Variants in DCLK1 observed in about 807,000 individuals in gnomAD.
DCLK1 encodes the protein doublecortin like kinase 1, also known as serine/threonine-protein kinase DCLK1.
In DCLK1, 16 loss-of-function variants were observed where a neutral mutation model predicts 86.2. That is an observed-to-expected ratio of 0.19 (90% confidence interval 0.13 to 0.28). The LOEUF (loss-of-function observed/expected upper bound fraction) is 0.28, where lower values mean the gene tolerates loss of function less well. Ranked by LOEUF, DCLK1 falls within the 10% of genes least tolerant of loss-of-function variation. DCLK1 has a pLI of 1.00. For missense variants in DCLK1, 590 were observed against 940.2 expected (o/e 0.63, Z 4.87); for synonymous variants, 369 against 370.5 (o/e 1.00, Z 0.05).
intron 3 of DCLK1, among the ~76,000 whole-genome samples, chr13:36,009,832 C>G (rs1339569027): frequency 1.1e-4 from 10 of 88,858 alleles, no homozygotes; most frequent in Non-Finnish European, 1.3e-4. Flanking sequence ...GCCATTTTCA[C>G]GATATTGATT....
chr13:35,779,499 C>T (rs2086484668), intron 16 of DCLK1, among the ~76,000 whole-genome samples: 1 of 152,080 alleles, frequency 6.6e-6, no homozygotes. Flanking sequence ...GACTGTGGCA[C>T]ACATATTAAG....
At chr13:35,817,406 C>T (rs2087293815) in intron 11 of DCLK1, among the ~76,000 whole-genome samples, 1 of 152,126 alleles carries the variant, frequency 6.6e-6, no homozygotes, top group Admixed American at 6.5e-5. Context: ...AAAAAAGGAT[C>T]GTTCAGTTTC....
At chr13:35,944,244 G>A (rs932488439) in intron 4 of DCLK1, among the ~76,000 whole-genome samples, 2 of 152,174 alleles carry the variant, frequency 1.3e-5, no homozygotes, top group Non-Finnish European at 2.9e-5. Context: ...AACTCACTGG[G>A]AGCCAGGTTA....
At chr13:36,042,979 T>G (rs1024497571) in intron 3 of DCLK1, among the ~76,000 whole-genome samples, 17 of 152,208 alleles carry the variant, frequency 1.1e-4, no homozygotes, top group African/African-American at 3.9e-4. Context: ...AAATTAAATC[T>G]GTGGCCCACT....
intron 4 of DCLK1, among the ~76,000 whole-genome samples, chr13:35,928,561 C>T (rs879402494): frequency 2.6e-5 from 4 of 152,194 alleles, no homozygotes; most frequent in Non-Finnish European, 5.9e-5. Flanking sequence ...ATGGCACTTA[C>T]CTTCCGATAC....
At chr13:35,893,566 C>T (rs904800685) in intron 4 of DCLK1, among the ~76,000 whole-genome samples, 1 of 152,144 alleles carries the variant, frequency 6.6e-6, no homozygotes, top group Non-Finnish European at 1.5e-5. Context: ...CTGCACCTGA[C>T]CTCCTGTGAC....
chr13:35,789,710 A>G (rs2086679301), intron 16 of DCLK1, among the ~76,000 whole-genome samples: 1 of 152,214 alleles, frequency 6.6e-6, no homozygotes, highest in African/African-American at 2.4e-5. Flanking sequence ...TAAATGAGGA[A>G]AAATAAATTG....
intron 3 of DCLK1, among the ~76,000 whole-genome samples, chr13:35,965,687 T>C (rs867007350): frequency 6.6e-6 from 1 of 152,128 alleles, no homozygotes; most frequent in East Asian, 1.9e-4. Flanking sequence ...GAAGACTGAC[T>C]GGAAGCCACT....
At chr13:35,869,260 T>C in intron 5 of DCLK1, 1 of 387,678 alleles carries the variant, frequency 2.6e-6, no homozygotes, top group Non-Finnish European at 5.2e-6. Flanking sequence ...GGTCCTCTTC[T>C]CTGTGTGTGG....
At chr13:35,985,784 A>G (rs1022364261) in intron 3 of DCLK1, among the ~76,000 whole-genome samples, 2 of 152,210 alleles carry the variant, frequency 1.3e-5, no homozygotes, top group Non-Finnish European at 2.9e-5. Context: ...TTGGCCAGGT[A>G]GTAATGCCAA....
rs767997062 is a variant in DCLK1, at chr13:35,828,257, C to T, written c.1280G>A (p.Arg427Gln). The T allele has an allele frequency of 5.6e-6, 9 of 1,610,310 alleles. No individual in the cohort carries two copies. Among genetic ancestry groups the T allele is most frequent in the African/African-American group, 5.3e-5 (4 of 74,882 alleles). Reference sequence around the variant, plus strand: ...AACAAATTTTATACATACTTTGCCTCGACATTTGCTTTTCTTGATAATTTT... The same window carrying T: ...AACAAATTTTATACATACTTTGCCTTGACATTTGCTTTTCTTGATAATTTT... ...ALKIIKKSKC[R>Q]GKEHMIQNEV... Residue 427 changes from arginine to glutamine, a missense_variant, in exon 9 of 17, where the codon CGA becomes CAA. By Grantham distance (43) the Arg-to-Gln change is conservative. Transcript: ENST00000360631.
intron 4 of DCLK1, among the ~76,000 whole-genome samples, chr13:35,888,882 T>C (rs187469616): frequency 3.9e-5 from 6 of 152,358 alleles, no homozygotes; most frequent in Admixed American, 2.0e-4. Context: ...GTATGTAAAC[T>C]GCAAGGTAAA....
In DCLK1 at chr13:35,915,455, C is replaced by T. The variant is rs909193403; in HGVS notation, c.823+31903G>A. On this transcript the variant is annotated intron_variant, in intron 4 of 16. Transcript: ENST00000360631. ...GTGGCACACACCTGTAATCCCAGCACTTTGGGAGACCAAGGCAGGAGGATC... is the reference window on the plus strand; with the variant it reads ...GTGGCACACACCTGTAATCCCAGCATTTTGGGAGACCAAGGCAGGAGGATC... 2.0e-3 allele frequency among the ~76,000 whole-genome samples: 306 copies of T among 152,294 alleles called. 1 individual carries two copies. Among genetic ancestry groups the T allele is most frequent in the African/African-American group, 7.0e-3 (289 of 41,568 alleles).
chr13:35,944,659 C>A (rs1877266813), intron 4 of DCLK1, among the ~76,000 whole-genome samples: 1 of 151,966 alleles, frequency 6.6e-6, no homozygotes, highest in African/African-American at 2.4e-5. Flanking sequence ...CCATGTGTTT[C>A]TTTTGGAATG....
At chr13:36,088,272 C>A (rs1341646040) in intron 3 of DCLK1, among the ~76,000 whole-genome samples, 3 of 152,150 alleles carry the variant, frequency 2.0e-5, no homozygotes, top group Non-Finnish European at 4.4e-5. Context: ...AGGAAAACTC[C>A]CTCTGCAGCT....
At chr13:36,018,198 A>G (rs1362335407) in intron 3 of DCLK1, among the ~76,000 whole-genome samples, 1 of 152,206 alleles carries the variant, frequency 6.6e-6, no homozygotes, top group Non-Finnish European at 1.5e-5. Context: ...TGATTGTAAA[A>G]TTGTAACCAA....
At chr13:36,019,120 T>G (rs915128608) in intron 3 of DCLK1, among the ~76,000 whole-genome samples, 2 of 152,234 alleles carry the variant, frequency 1.3e-5, no homozygotes, top group African/African-American at 4.8e-5. Flanking sequence ...CCATGATTAA[T>G]GTCAAAGGCA....
At chr13:36,056,619 A>T (rs1593852145) in intron 3 of DCLK1, among the ~76,000 whole-genome samples, 1 of 25,492 alleles carries the variant, frequency 3.9e-5, no homozygotes, top group African/African-American at 1.0e-4. Flanking sequence ...AGTATAATTT[A>T]AAAAAAAAAA....
chr13:35,907,613 T>G (rs182988186), intron 4 of DCLK1, among the ~76,000 whole-genome samples: 1 of 152,274 alleles, frequency 6.6e-6, no homozygotes, highest in Admixed American at 6.5e-5. Flanking sequence ...TTCTTTTGAT[T>G]GCAACAGGAG....
Sources: gnomAD v4.1 joint callset for allele counts (sites outside exome capture counted in the v4.1 genomes callset) on GRCh38, gnomAD v4.1.1 for gene constraint, MANE v1.5 for transcripts, NCBI Gene and HGNC (gene_info 2026-07-23, HGNC 2026-07-21) for gene names.